SND1: variants seen among roughly 807,000 people sequenced by gnomAD.
The protein encoded by SND1 is staphylococcal nuclease and tudor domain containing 1, also known as staphylococcal nuclease domain-containing protein 1.
SND1 carries 38 observed loss-of-function variants against 121.7 expected under a neutral mutation model. The ratio of observed to expected loss-of-function variants is 0.31; its 90% CI spans 0.24 to 0.41. The LOEUF (loss-of-function observed/expected upper bound fraction) is 0.41. Among genes scored for constraint, SND1 ranks in the 10% least tolerant of loss-of-function variants. The probability of loss-of-function intolerance (pLI) is 1.00; values close to 1 mark genes in which losing one functional copy is unlikely to be tolerated. For missense variants in SND1, 868 were observed against 1,184.6 expected, an observed-to-expected ratio of 0.73 and a Z score of 3.92; for synonymous variants, 401 against 447.4, an observed-to-expected ratio of 0.90 and a Z score of 1.31.
intron 15 of SND1, among the ~76,000 whole-genome samples, chr7:127,947,899 C>G (rs774230217): frequency 6.6e-6 from 1 of 152,120 alleles, no homozygotes; most frequent in Non-Finnish European, 1.5e-5. Context: ...CCAGAGATGA[C>G]AAGCATTGTG....
chr7:127,777,844 T>C (rs1452032775), intron 10 of SND1, among the ~76,000 whole-genome samples: 1 of 152,190 alleles, frequency 6.6e-6, no homozygotes, highest in Non-Finnish European at 1.5e-5. Flanking sequence ...CACGTGTCTC[T>C]GATTTTGAGA....
intron 13 of SND1, among the ~76,000 whole-genome samples, chr7:127,890,359 T>A (rs979881625): frequency 6.6e-6 from 1 of 152,162 alleles, no homozygotes; most frequent in African/African-American, 2.4e-5. Flanking sequence ...TTTTGCCTAT[T>A]ATTTTAATTG....
chr7:127,679,933 A>G (rs1259532319), intron 1 of SND1, among the ~76,000 whole-genome samples: 1 of 152,118 alleles, frequency 6.6e-6, no homozygotes, highest in Non-Finnish European at 1.5e-5. Context: ...ATATGTTTGT[A>G]TTTCTCTTGG....
At chr7:128,066,984 G>GC (rs970028270) in intron 16 of SND1, among the ~76,000 whole-genome samples, 6 of 152,048 alleles carry the variant, frequency 3.9e-5, no homozygotes, top group African/African-American at 1.4e-4. Context: ...CATTTCCCGC[G>GC]CCCCCCTGCA....
chr7:127,963,947 T>G (rs1219859523), intron 15 of SND1, among the ~76,000 whole-genome samples: 1 of 147,676 alleles, frequency 6.8e-6, no homozygotes, highest in Non-Finnish European at 1.5e-5. Flanking sequence ...ATTGCCATTC[T>G]AACTGGTGTG....
chr7:127,953,959 G>A (rs1801531524), intron 15 of SND1, among the ~76,000 whole-genome samples: 1 of 152,246 alleles, frequency 6.6e-6, no homozygotes, highest in Admixed American at 6.5e-5. Flanking sequence ...CTGTAAGGCA[G>A]TGTATAGGTT....
intron 10 of SND1, among the ~76,000 whole-genome samples, chr7:127,724,191 A>AAT (rs1796544269): frequency 6.6e-6 from 1 of 152,238 alleles, no homozygotes; most frequent in South Asian, 2.1e-4. Context: ...TAGTAGGGGA[A>AAT]ATACACAAGT....
chr7:127,830,847 C>T (rs546861557), intron 11 of SND1, among the ~76,000 whole-genome samples: 1 of 152,262 alleles, frequency 6.6e-6, no homozygotes, highest in South Asian at 2.1e-4. Flanking sequence ...GAGTAGATAA[C>T]AAGCCCTATA....
intron 1 of SND1, among the ~76,000 whole-genome samples, chr7:127,671,477 C>G (rs969976452): frequency 4.6e-5 from 7 of 152,176 alleles, no homozygotes; most frequent in African/African-American, 1.7e-4. Flanking sequence ...TGACCTTGTT[C>G]TATGCGCACG....
At chr7:127,941,812 G>T (rs577585159) in intron 15 of SND1, among the ~76,000 whole-genome samples, 213 of 151,510 alleles carry the variant, frequency 1.4e-3, no homozygotes, top group Non-Finnish European at 2.3e-3. Flanking sequence ...CTCTTCTAAG[G>T]CCCTGATGTA....
intron 11 of SND1, among the ~76,000 whole-genome samples, chr7:127,823,762 C>G (rs1214643328): frequency 6.6e-6 from 1 of 151,436 alleles, no homozygotes. Flanking sequence ...TTTTTCTATT[C>G]ACTTTGACAT....
intron 10 of SND1, among the ~76,000 whole-genome samples, chr7:127,795,313 C>A (rs1797995168): frequency 6.6e-6 from 1 of 152,164 alleles, no homozygotes; most frequent in Admixed American, 6.5e-5. Flanking sequence ...CTTTCACTAC[C>A]CTTTCCTTCT....
intron 16 of SND1, among the ~76,000 whole-genome samples, chr7:128,002,859 G>C (rs1802868947): frequency 6.6e-6 from 1 of 152,190 alleles, no homozygotes; most frequent in Non-Finnish European, 1.5e-5. Flanking sequence ...ATTTGTCCTT[G>C]ACCTGCATTA....
At chr7:128,084,917 G>A in intron 19 of SND1, 70 bp downstream of exon 19, 1 of 1,490,706 alleles carries the variant, frequency 6.7e-7, no homozygotes, top group East Asian at 2.4e-5. Context: ...CAGGCCTCAG[G>A]TGTTGCCTTA....
At chr7:127,653,870 G>T (rs571504451) in intron 1 of SND1, among the ~76,000 whole-genome samples, 102 of 152,304 alleles carry the variant, frequency 6.7e-4, no homozygotes, top group African/African-American at 2.4e-3. Context: ...AATGAGAAGA[G>T]AATTTCCAAG....
chr7:127,730,417 T>C (rs1245620897), intron 10 of SND1, among the ~76,000 whole-genome samples: 1 of 152,246 alleles, frequency 6.6e-6, no homozygotes, highest in Non-Finnish European at 1.5e-5. Context: ...TGTGAAGACA[T>C]TCTGGAGACT....
At chr7:127,768,307 G>T (rs192474966) in intron 10 of SND1, among the ~76,000 whole-genome samples, 1 of 152,270 alleles carries the variant, frequency 6.6e-6, no homozygotes, top group East Asian at 1.9e-4. Flanking sequence ...TAACAAACTT[G>T]TGAGGCAGAA....
intron 10 of SND1, among the ~76,000 whole-genome samples, chr7:127,723,281 G>T (rs1796527660): frequency 6.6e-6 from 1 of 152,204 alleles, no homozygotes; most frequent in Admixed American, 6.5e-5. Flanking sequence ...CCTACTGGCT[G>T]ACAGGAAATT....
At chr7:127,838,379 C>T (rs1319385110) in intron 11 of SND1, among the ~76,000 whole-genome samples, 2 of 152,140 alleles carry the variant, frequency 1.3e-5, no homozygotes, top group African/African-American at 2.4e-5. Context: ...AGGCTAAAAA[C>T]CTTTGAAGAG....
Sources: allele counts gnomAD v4.1 joint callset (sites outside exome capture counted in the v4.1 genomes callset), GRCh38; gene constraint gnomAD v4.1.1; transcripts MANE v1.5; gene names NCBI Gene and HGNC (gene_info 2026-07-23, HGNC 2026-07-21).